PAK6: variants seen among roughly 807,000 people sequenced by gnomAD.
PAK6 encodes p21 (RAC1) activated kinase 6, also known as serine/threonine-protein kinase PAK 6.
PAK6 carries 33 observed loss-of-function variants against 60.8 expected under a neutral mutation model. The observed-to-expected ratio is 0.54, with a 90% confidence interval of 0.41 to 0.73. PAK6 has a LOEUF of 0.73. Among genes scored for constraint, PAK6 ranks in the 30% least tolerant of loss-of-function variants. The pLI, the probability that PAK6 is intolerant of heterozygous loss-of-function variation, is 0.00. For missense variants in PAK6, 845 were observed against 904.1 expected (o/e 0.93, Z 0.84); for synonymous variants, 404 against 378.5 (o/e 1.07, Z -0.78).
chr15:40,241,614 C>T (rs540025235), intron 2 of PAK6, among the ~76,000 whole-genome samples: 2 of 152,260 alleles, frequency 1.3e-5, no homozygotes, highest in South Asian at 2.1e-4. Context: ...CAGAGGCAAG[C>T]CCTTCTGGGA....
intron 3 of PAK6, among the ~76,000 whole-genome samples, chr15:40,261,784 A>C (rs1455463390): frequency 6.6e-6 from 1 of 152,032 alleles, no homozygotes; most frequent in African/African-American, 2.4e-5. Flanking sequence ...CCAAAGCCTG[A>C]GCTCAGCTGA....
At chr15:40,252,412 G>C in intron 2 of PAK6, 1 of 1,351,524 alleles carries the variant, frequency 7.4e-7, no homozygotes, top group Non-Finnish European at 9.8e-7. Context: ...GGGCCAAGCA[G>C]GTGGAGAGAA....
chr15:40,264,761 A>G lies in PAK6; in HGVS notation c.-5-20A>G, dbSNP rs1482604783. The stretch of plus-strand genomic sequence containing the variant: ...CCCCTCTTTCCCGGGAGGGAGCTCA[A>G]CCTTACTCTGCACTTACAGGCACCA... On this transcript the variant is annotated intron_variant, in intron 3 of 10. Transcript: ENST00000560346. The G allele has an allele frequency of 2.5e-6, 4 of 1,611,784 alleles. No homozygotes were observed. Among genetic ancestry groups the G allele is most frequent in the Non-Finnish European group, 3.4e-6 (4 of 1,178,776 alleles).
chr15:40,263,391 T>G (rs1456488784), intron 3 of PAK6, among the ~76,000 whole-genome samples: 1 of 152,190 alleles, frequency 6.6e-6, no homozygotes, highest in Non-Finnish European at 1.5e-5. Flanking sequence ...TGGCCCTGTC[T>G]GCCATCAACA....
At chr15:40,274,081 G>A (rs2039383848) in intron 9 of PAK6, 61 bp from the exon 10 acceptor site, 3 of 1,599,284 alleles carry the variant, frequency 1.9e-6, no homozygotes, top group African/African-American at 1.3e-5. Flanking sequence ...GCTGCCACCA[G>A]AACGCAGCTA....
chr15:40,268,516 C>T (rs2039211211), intron 5 of PAK6, among the ~76,000 whole-genome samples: 1 of 152,216 alleles, frequency 6.6e-6, no homozygotes, highest in Non-Finnish European at 1.5e-5. Flanking sequence ...CCACCTACCC[C>T]AGGAGTCCCC....
exon 5 of PAK6, chr15:40,266,280 C>T (rs768477949): frequency 1.2e-5 from 20 of 1,611,486 alleles, no homozygotes; most frequent in Non-Finnish European, 1.6e-5. Flanking sequence ...CACCAATAGG[C>T]ATGGAATGAA....
At chr15:40,252,730 G>A in intron 2 of PAK6, 1 of 1,303,156 alleles carries the variant, frequency 7.7e-7, no homozygotes, top group Admixed American at 2.3e-5. Context: ...GCGGCGAGAG[G>A]ACGGGCCTCC....
chr15:40,264,312 T>G, intron 3 of PAK6: 1 of 375,282 alleles, frequency 2.7e-6, no homozygotes, highest in East Asian at 7.5e-5. Context: ...CGTTCCTAAA[T>G]GATATTGAGT....
At chr15:40,239,550 C>G (rs927412028) in exon 1 of PAK6, 1 of 152,482 alleles carries the variant, frequency 6.6e-6, no homozygotes, top group African/African-American at 2.4e-5. Context: ...ATGGAAGACG[C>G]TGTGGGGGCC....
rs559798590 is a variant in PAK6, at chr15:40,253,166, G to A, written c.-117-12G>A. The stretch of plus-strand genomic sequence containing the variant: ...ATTTGCCATAATGCATTTCTGATCT[G>A]TTTCCGCGCAGGCCTGCGGAGGACT... On this transcript the variant is annotated splice_polypyrimidine_tract_variant and intron_variant, in intron 2 of 10. Coordinates refer to ENST00000560346, the Ensembl canonical transcript of PAK6. The A allele has an allele frequency of 1.8e-4, 84 of 455,524 alleles. No individual in the cohort carries two copies. Among genetic ancestry groups the A allele is most frequent in the African/African-American group, 1.5e-3 (77 of 50,180 alleles). 28.2% of individuals were successfully genotyped at this position (455,524 alleles called of 1,614,324 possible).
intron 3 of PAK6, among the ~76,000 whole-genome samples, chr15:40,261,164 A>G (rs1410382092): frequency 6.6e-6 from 1 of 151,154 alleles, no homozygotes; most frequent in Non-Finnish European, 1.5e-5. Flanking sequence ...CTGGGATTAC[A>G]GGCGTGAGCC....
chr15:40,241,272 C>T (rs1035382646), intron 2 of PAK6, among the ~76,000 whole-genome samples: 4 of 152,186 alleles, frequency 2.6e-5, no homozygotes, highest in Non-Finnish European at 5.9e-5. Flanking sequence ...CACCGGGAAG[C>T]AAGGCTAACG....
At chr15:40,260,911 C>G (rs1198749631) in intron 3 of PAK6, among the ~76,000 whole-genome samples, 2 of 144,270 alleles carry the variant, frequency 1.4e-5, no homozygotes, top group Non-Finnish European at 3.0e-5. Context: ...TTTTTTGAGA[C>G]AGAGTCTCGC....
intron 2 of PAK6, chr15:40,252,562 G>C: frequency 7.4e-7 from 1 of 1,360,280 alleles, no homozygotes; most frequent in Non-Finnish European, 9.8e-7. Flanking sequence ...TCGCGGTCAG[G>C]TGAAGCCGGC....
At chr15:40,251,544 T>G (rs2038668336) in intron 2 of PAK6, 2 of 152,554 alleles carry the variant, frequency 1.3e-5, no homozygotes, top group Admixed American at 1.3e-4. Flanking sequence ...CATTGAAGTC[T>G]GAGGTGCCCA....
intron 2 of PAK6, among the ~76,000 whole-genome samples, chr15:40,244,748 C>A (rs961220928): frequency 2.6e-5 from 4 of 152,032 alleles, no homozygotes; most frequent in Non-Finnish European, 5.9e-5. Context: ...AAAGGTAATC[C>A]TAAAGCTTAT....
intron 2 of PAK6, among the ~76,000 whole-genome samples, chr15:40,242,891 C>A (rs2038396036): frequency 6.6e-6 from 1 of 152,176 alleles, no homozygotes; most frequent in Admixed American, 6.5e-5. Context: ...CTACTAGGTG[C>A]AAGCACTGGT....
In PAK6 at chr15:40,258,136, A is replaced by G. The variant is rs1451798298; in HGVS notation, c.-6+4847A>G. Among the ~76,000 whole-genome samples the G allele has an allele frequency of 2.0e-5, 3 of 152,294 alleles. No individual in the cohort carries two copies. In the East Asian group the frequency reaches 5.8e-4, roughly 29 times the overall value. Reference sequence around the variant, plus strand: ...GGAAAAACACCTGGTTCCTTGCAAGATAAGGGTCAGCCTGCAAGTTAGGAC... The same window carrying G: ...GGAAAAACACCTGGTTCCTTGCAAGGTAAGGGTCAGCCTGCAAGTTAGGAC... On this transcript the variant is annotated intron_variant, in intron 3 of 10. Coordinates refer to ENST00000560346, the Ensembl canonical transcript of PAK6.
Sources: allele counts gnomAD v4.1 joint callset (sites outside exome capture counted in the v4.1 genomes callset), GRCh38; gene constraint gnomAD v4.1.1; transcripts MANE v1.5; gene names NCBI Gene and HGNC (gene_info 2026-07-23, HGNC 2026-07-21).